Variants in GALNT3 observed in about 807,000 individuals in gnomAD.
GALNT3 encodes the protein polypeptide N-acetylgalactosaminyltransferase 3.
Under a neutral mutation model 69.8 loss-of-function variants are expected in GALNT3, and 51 were observed. The ratio of observed to expected loss-of-function variants is 0.73; its 90% confidence interval spans 0.58 to 0.92. The LOEUF (loss-of-function observed/expected upper bound fraction) is 0.92, where lower values mean the gene tolerates loss of function less well. Among genes scored for constraint, GALNT3 ranks in the 40% least tolerant of loss-of-function variants. The pLI is 0.00. For synonymous variants in GALNT3, 265 were observed against 248.5 expected (o/e 1.07, Z -0.63); for missense variants, 711 against 760.0 (o/e 0.94, Z 0.76).
intron 1 of GALNT3, among the ~76,000 whole-genome samples, chr2:165,782,368 G>A (rs921437575): frequency 2.3e-5 from 3 of 131,878 alleles, no homozygotes; most frequent in Non-Finnish European, 4.8e-5. Context: ...GATAGCTGAT[G>A]AGCTGGGGGA....
At position 165,762,001 on chromosome 2, in the gene GALNT3, T is replaced by C; in HGVS notation, c.742A>G (p.Ile248Val). 1 of 1,605,954 alleles carries C rather than the reference T, an allele frequency of 6.2e-7. No homozygotes were observed. Residue 248 changes from isoleucine (I) to valine (V), a missense_variant, in exon 4 of 11, where the codon ATA (isoleucine) becomes GTA (valine). Ile to Val is a conservative substitution (Grantham distance 29, BLOSUM62 3). Transcript: ENST00000392701. ...EYVKQFSIVKIVRQRERKGLI... is the reference protein window; with the variant it reads ...EYVKQFSIVKVVRQRERKGLI... ...CCTTTTCTTTCTCTTTGTCTGACTA[T>C]TTTTACTATAGAAAATTGTTTTACA...
Position 165,770,569 on chromosome 2 carries a change from T to C in GALNT3, c.132A>G (p.Gln44=), listed in dbSNP as rs149809222. 6,331 of 1,613,376 alleles carry C rather than the reference T, an allele frequency of 3.9e-3. 41 individuals are homozygous for C. Among genetic ancestry groups the C allele is most frequent in the Middle Eastern group, 0.019 (117 of 6,060 alleles). ...LVLMQREVSV[Q]YSKEESRMER... Reference sequence around the variant, plus strand: ...CCATCCTTGATTCCTCTTTGGAATATTGAACACTTACTTCTCTTTGCATTA... The same window carrying C: ...CCATCCTTGATTCCTCTTTGGAATACTGAACACTTACTTCTCTTTGCATTA... The change falls in exon 2 of 11, where the codon CAA becomes CAG. Residue 44 remains glutamine (Q), a synonymous_variant. Coordinates refer to ENST00000392701, the MANE Select transcript of GALNT3 (RefSeq NM_004482.4).
intron 9 of GALNT3, among the ~76,000 whole-genome samples, chr2:165,752,532 C>T (rs1573995057): frequency 6.6e-6 from 1 of 152,164 alleles, no homozygotes; most frequent in South Asian, 2.1e-4. Flanking sequence ...TTTTCCCATC[C>T]CCCAATTTCT....
chr2:165,780,097 A>G (rs756160098), intron 1 of GALNT3, among the ~76,000 whole-genome samples: 38 of 152,168 alleles, frequency 2.5e-4, no homozygotes, highest in Non-Finnish European at 4.9e-4. Flanking sequence ...ATCCCAGTCA[A>G]CTTTACAAAG....
chr2:165,750,327 G>A (rs1573993827), intron 9 of GALNT3, among the ~76,000 whole-genome samples: 1 of 152,126 alleles, frequency 6.6e-6, no homozygotes, highest in South Asian at 2.1e-4. Flanking sequence ...ACTAGAAAAT[G>A]GGTAATTTAA....
At position 165,778,203 on chromosome 2, in the gene GALNT3, C is replaced by G. The variant is rs566848172; in HGVS notation, c.-108-7395G>C. Among the ~76,000 whole-genome samples the G allele has an allele frequency of 2.6e-4, 39 of 152,298 alleles. 1 individual carries two copies. The South Asian group carries it at 8.1e-3, about 32-fold the overall frequency. ...CTGCCACATCTACACCTGTGAATGA[C>G]TTTTACATTACATATGAAAGATATG... On this transcript the variant is annotated intron_variant, in intron 1 of 10. Transcript: ENST00000392701.
At chr2:165,773,877 CTT>C (rs1251635992) in intron 1 of GALNT3, among the ~76,000 whole-genome samples, 1 of 151,938 alleles carries the variant, frequency 6.6e-6, no homozygotes, top group Non-Finnish European at 1.5e-5. Context: ...TTATCTCACT[CTT>C]GAGAGATGTT....
At chr2:165,779,577 T>C (rs1683056964) in intron 1 of GALNT3, among the ~76,000 whole-genome samples, 1 of 152,212 alleles carries the variant, frequency 6.6e-6, no homozygotes. Flanking sequence ...CCTTAAATTC[T>C]GTCACAGTCC....
chr2:165,775,571 A>C (rs1405479346), intron 1 of GALNT3, among the ~76,000 whole-genome samples: 3 of 152,188 alleles, frequency 2.0e-5, no homozygotes, highest in African/African-American at 7.2e-5. Context: ...CTTTGCTGTT[A>C]ATGTGCAATA....
At chr2:165,749,620 TTAA>T (rs1688320303) in intron 10 of GALNT3, 119 bp downstream of exon 10, 1 of 904,462 alleles carries the variant, frequency 1.1e-6, no homozygotes, top group Non-Finnish European at 1.8e-6. Context: ...AATAACAAAG[TTAA>T]TAAAGGGAGA....
Position 165,770,805 on chromosome 2 carries a change from G to T in GALNT3, c.-105C>A. On this transcript the variant is annotated 5_prime_UTR_variant, in exon 2 of 11. Transcript: ENST00000392701. ...TGAGAAGAAGGTATCTTTAATGGTA[G>T]TACCTATAAACAGAAATGATCGATG... 7.9e-7 allele frequency: 1 copy of T among 1,258,732 alleles called. No homozygotes were observed. The highest frequency in any genetic ancestry group is 1.1e-6 in the Non-Finnish European group (1 of 897,954). The allele number at this position is 1,258,732 out of a possible 1,614,324, so 78.0% of individuals were successfully genotyped here.
intron 1 of GALNT3, among the ~76,000 whole-genome samples, chr2:165,791,279 G>GTGTA (rs1683342515): frequency 6.7e-6 from 1 of 149,720 alleles, no homozygotes; most frequent in Non-Finnish European, 1.5e-5. Flanking sequence ...GTGTGTGTGT[G>GTGTA]TATACGCATG....
intron 2 of GALNT3, among the ~76,000 whole-genome samples, chr2:165,769,795 T>C (rs1688717071): frequency 6.6e-6 from 1 of 152,228 alleles, no homozygotes; most frequent in Admixed American, 6.5e-5. Context: ...TTTTTAAACA[T>C]TTTTATTCTA....
chr2:165,758,640 C>A, intron 6 of GALNT3, 107 bp downstream of exon 6: 3 of 723,938 alleles, frequency 4.1e-6, no homozygotes, highest in Non-Finnish European at 7.2e-6. Flanking sequence ...TTTCAGAAAG[C>A]ACAAAAAGTA....
intron 3 of GALNT3, among the ~76,000 whole-genome samples, chr2:165,763,129 T>A (rs1688582098): frequency 6.6e-6 from 1 of 152,232 alleles, no homozygotes; most frequent in Admixed American, 6.5e-5. Flanking sequence ...TTCTTAAGCC[T>A]GTTTTTCTCA....
At chr2:165,768,537 T>TA (rs1426220451) in intron 2 of GALNT3, among the ~76,000 whole-genome samples, 1 of 152,216 alleles carries the variant, frequency 6.6e-6, no homozygotes, top group Non-Finnish European at 1.5e-5. Context: ...CACATTCATT[T>TA]AAAAATTATG....
chr2:165,768,019 G>A (rs2059436), intron 2 of GALNT3, among the ~76,000 whole-genome samples: 149,884 of 152,032 alleles, frequency 0.99, 73,916 homozygotes, highest in East Asian at 1. Context: ...GACTACAGGC[G>A]CACATCACCA....
rs1473778354 is a variant in GALNT3 at position 165,770,743 on chromosome 2, C to A, written c.-43G>T. ...GTCACTTGACAAATAACAGTTATTT[C>A]TTCTTCTGTTACTTATATTTTTTAT... On this transcript the variant is annotated 5_prime_UTR_variant, in exon 2 of 11. Coordinates refer to ENST00000392701, the MANE Select transcript of GALNT3 (RefSeq NM_004482.4). 6.3e-7 allele frequency: 1 copy of A among 1,585,960 alleles called. No homozygotes were observed. Among genetic ancestry groups the A allele is most frequent in the Admixed American group, 1.7e-5 (1 of 59,140 alleles).
At chr2:165,775,153 T>C (rs1688824598) in intron 1 of GALNT3, among the ~76,000 whole-genome samples, 1 of 152,098 alleles carries the variant, frequency 6.6e-6, no homozygotes, top group Non-Finnish European at 1.5e-5. Flanking sequence ...TCTAACTCTG[T>C]TCAAACTCAA....
Sources: allele counts gnomAD v4.1 joint callset (sites outside exome capture counted in the v4.1 genomes callset), GRCh38; gene constraint gnomAD v4.1.1; transcripts MANE v1.5; gene names NCBI Gene and HGNC (gene_info 2026-07-23, HGNC 2026-07-21).